Variants in TMPRSS4 observed in about 807,000 individuals in gnomAD.
The protein encoded by TMPRSS4 is transmembrane protease serine 4.
Under a neutral mutation model 56.4 loss-of-function variants are expected in TMPRSS4, and 45 were observed. The observed-to-expected ratio is 0.80, with a 90% CI of 0.63 to 1.02. The LOEUF (loss-of-function observed/expected upper bound fraction) is 1.02. TMPRSS4 is among the 50% of genes least tolerant of loss of function. The probability of loss-of-function intolerance (pLI) is 0.00; values close to 1 mark genes in which losing one functional copy is unlikely to be tolerated. For missense variants in TMPRSS4, 546 were observed against 556.7 expected (o/e 0.98, Z 0.19); for synonymous variants, 205 against 211.0 (o/e 0.97, Z 0.25).
chr11:118,118,168 C>A lies in TMPRSS4; in HGVS notation c.*255C>A. The stretch of plus-strand genomic sequence containing the variant: ...GCATCCCAGGGAGAGACACAGCCCA[C>A]TGAACAAGGTCTCAGGGGTATTGCT... On this transcript the variant is annotated 3_prime_UTR_variant, in exon 13 of 13. Coordinates refer to ENST00000437212, the MANE Select transcript of TMPRSS4 (RefSeq NM_019894.4). 7.1e-7 allele frequency: 1 copy of A among 1,411,422 alleles called. No homozygotes were observed. Among genetic ancestry groups the A allele is most frequent in the Non-Finnish European group, 9.2e-7 (1 of 1,086,608 alleles). The allele number at this position is 1,411,422 out of a possible 1,614,324, so 87.4% of individuals were successfully genotyped here.
chr11:118,124,069 A>G (rs1326292253), downstream of TMPRSS4, among the ~76,000 whole-genome samples: 4 of 152,232 alleles, frequency 2.6e-5, no homozygotes, highest in South Asian at 8.3e-4. Context: ...TTGGGGTAAA[A>G]TGATGCAAAG....
Position 118,094,851 on chromosome 11 carries a change from C to G in TMPRSS4, c.39C>G (p.Ser13Arg). 6.2e-7 allele frequency: 1 copy of G among 1,612,434 alleles called. No individual in the cohort carries two copies. Among genetic ancestry groups the G allele is most frequent in the Non-Finnish European group, 8.5e-7 (1 of 1,179,366 alleles). The change falls in exon 2 of 13, where the codon AGC becomes AGG. Residue 13 changes from serine to arginine, a missense_variant. Coordinates refer to ENST00000437212, the MANE Select transcript of TMPRSS4 (RefSeq NM_019894.4). Reference sequence around the variant, plus strand: ...CTGACAGTGATCAACCTCTGAACAGCCTCGGTAAGTTCAGGTCCGGCTTTC... The same window carrying G: ...CTGACAGTGATCAACCTCTGAACAGGCTCGGTAAGTTCAGGTCCGGCTTTC... Reference protein sequence around the residue: ...QDPDSDQPLNSLDVKPLRKPR... With the variant: ...QDPDSDQPLNRLDVKPLRKPR...
chr11:118,102,330 T>G (rs1946756092), intron 3 of TMPRSS4, among the ~76,000 whole-genome samples: 1 of 152,230 alleles, frequency 6.6e-6, no homozygotes, highest in South Asian at 2.1e-4. Context: ...TCAACAGCCC[T>G]GCGAGGCAGA....
At chr11:118,123,421 C>CA (rs559598160), downstream of TMPRSS4, among the ~76,000 whole-genome samples, 47 of 152,274 alleles carry the variant, frequency 3.1e-4, no homozygotes, top group Non-Finnish European at 5.3e-4. Flanking sequence ...ATTAGAGGAA[C>CA]AAATTAAATG....
intron 1 of TMPRSS4, among the ~76,000 whole-genome samples, chr11:118,083,186 C>T (rs186394497): frequency 1.3e-5 from 2 of 152,332 alleles, no homozygotes; most frequent in Non-Finnish European, 2.9e-5. Context: ...CTAGAAGCTA[C>T]GGTTGCTGAA....
At chr11:118,109,319 G>A (rs1488140325) in intron 7 of TMPRSS4, among the ~76,000 whole-genome samples, 3 of 152,234 alleles carry the variant, frequency 2.0e-5, no homozygotes, top group Non-Finnish European at 4.4e-5. Context: ...GTTAGAATAT[G>A]TCTCACTCTG....
intron 10 of TMPRSS4, 90 bp downstream of exon 10, chr11:118,115,017 A>T: frequency 6.5e-7 from 1 of 1,548,506 alleles, no homozygotes; most frequent in Non-Finnish European, 8.8e-7. Context: ...ACCACCCTTC[A>T]GAGAAACCCA....
intron 2 of TMPRSS4, among the ~76,000 whole-genome samples, chr11:118,098,263 C>G (rs1444950362): frequency 2.0e-5 from 3 of 152,262 alleles, no homozygotes; most frequent in Non-Finnish European, 4.4e-5. Context: ...AGGCAGCCTA[C>G]AGGCACCCTC....
At chr11:118,078,371 G>A (rs1180251637) in intron 1 of TMPRSS4, among the ~76,000 whole-genome samples, 1 of 152,154 alleles carries the variant, frequency 6.6e-6, no homozygotes, top group Admixed American at 6.5e-5. Context: ...ACTGTCCAAG[G>A]GGGAAGGGTG....
intron 1 of TMPRSS4, among the ~76,000 whole-genome samples, chr11:118,082,539 C>T (rs1945222700): frequency 6.7e-6 from 1 of 148,314 alleles, no homozygotes; most frequent in African/African-American, 2.5e-5. Context: ...CCAGCCTGGG[C>T]AATAGAGTGA....
intron 3 of TMPRSS4, among the ~76,000 whole-genome samples, chr11:118,100,812 C>A (rs193243219): frequency 6.6e-6 from 1 of 152,198 alleles, no homozygotes; most frequent in Non-Finnish European, 1.5e-5. Context: ...AAGCATAATT[C>A]AGAGCTGGAC....
At chr11:118,114,471 G>A (rs1379035402) in intron 9 of TMPRSS4, among the ~76,000 whole-genome samples, 1 of 152,238 alleles carries the variant, frequency 6.6e-6, no homozygotes, top group Non-Finnish European at 1.5e-5. Context: ...GTCTGGCCAA[G>A]GTAGGGTAGG....
intron 11 of TMPRSS4, among the ~76,000 whole-genome samples, chr11:118,116,806 G>A (rs1210310509): frequency 6.8e-6 from 1 of 146,646 alleles, no homozygotes; most frequent in Non-Finnish European, 1.5e-5. Flanking sequence ...CTCCGCCTCT[G>A]GGTTCGAATG....
intron 2 of TMPRSS4, among the ~76,000 whole-genome samples, 183 bp from the exon 3 acceptor site, chr11:118,098,802 G>T (rs920214497): frequency 6.6e-6 from 1 of 152,156 alleles, no homozygotes; most frequent in African/African-American, 2.4e-5. Context: ...GTAAGAAGAG[G>T]CAGGGTAACC....
At position 118,094,826 on chromosome 11, in the gene TMPRSS4, C is replaced by T. The variant is rs772733499; in HGVS notation, c.14C>T (p.Pro5Leu). MLQDPDSDQPLNSLD... is the reference protein window; with the variant it reads MLQDLDSDQPLNSLD... ...CTGTTTTTCCTTCAATTACAGGATC[C>T]TGACAGTGATCAACCTCTGAACAGC... is the stretch of plus-strand genomic sequence containing the variant. Residue 5 changes from proline (P) to leucine (L), a missense_variant, in exon 2 of 13, where the codon CCT becomes CTT. Coordinates refer to ENST00000437212, the MANE Select transcript of TMPRSS4 (RefSeq NM_019894.4). 1.2e-6 allele frequency: 2 copies of T among 1,612,244 alleles called. No individual in the cohort carries two copies. The highest frequency in any genetic ancestry group is 1.3e-5 in the African/African-American group (1 of 75,038).
At chr11:118,097,821 A>G (rs1285259332) in intron 2 of TMPRSS4, among the ~76,000 whole-genome samples, 1 of 152,170 alleles carries the variant, frequency 6.6e-6, no homozygotes, top group South Asian at 2.1e-4. Flanking sequence ...CCCAGGCTGT[A>G]GTACAATGGC....
downstream of TMPRSS4, among the ~76,000 whole-genome samples, chr11:118,123,696 G>T (rs141212268): frequency 0.057 from 8,657 of 151,976 alleles, 757 homozygotes; most frequent in African/African-American, 0.19. Flanking sequence ...CTAATTTTTT[G>T]TGTGTTTTTA....
chr11:118,104,937 T>C (rs1353759751), intron 5 of TMPRSS4, 117 bp downstream of exon 5: 2 of 1,132,684 alleles, frequency 1.8e-6, no homozygotes, highest in Admixed American at 6.5e-5. Flanking sequence ...CCAGGCAGAA[T>C]GGCTTTTGAA....
chr11:118,112,051 T>C (rs1947304856), intron 8 of TMPRSS4, 151 bp downstream of exon 8: 1 of 1,124,860 alleles, frequency 8.9e-7, no homozygotes, highest in African/African-American at 1.6e-5. Context: ...ACAATGGCCA[T>C]GATGCCCTTT....
Sources: gnomAD v4.1 joint callset for allele counts (sites outside exome capture counted in the v4.1 genomes callset) on GRCh38, gnomAD v4.1.1 for gene constraint, MANE v1.5 for transcripts, NCBI Gene and HGNC (gene_info 2026-07-23, HGNC 2026-07-21) for gene names.